GALNT13: variants seen among roughly 807,000 people sequenced by gnomAD.
GALNT13 encodes the protein polypeptide N-acetylgalactosaminyltransferase 13, also known as UDP-GalNAc:polypeptide N-acetylgalactosaminyltransferase 13.
GALNT13 carries 28 observed loss-of-function variants against 64.2 expected under a neutral mutation model. The observed-to-expected ratio is 0.44, with a 90% CI of 0.32 to 0.60. The LOEUF (loss-of-function observed/expected upper bound fraction) is 0.60. Among genes scored for constraint, GALNT13 ranks in the 20% least tolerant of loss-of-function variants. The pLI, the probability that GALNT13 is intolerant of heterozygous loss-of-function variation, is 0.05. For missense variants in GALNT13, 577 were observed against 669.8 expected (o/e 0.86, Z 1.53); for synonymous variants, 214 against 224.6 (o/e 0.95, Z 0.42).
the GALNT13 span, among the ~76,000 whole-genome samples, chr2:153,099,364 G>T: frequency 7.9e-5 from 12 of 152,048 alleles, no homozygotes; most frequent in Non-Finnish European, 1.8e-4. Flanking sequence ...AAAATCTAAA[G>T]AAATTTTTGG....
At chr2:153,082,604 TATATATATATATATACACACACACAC>T in the GALNT13 span, among the ~76,000 whole-genome samples, 4 of 44,000 alleles carry the variant, frequency 9.1e-5, no homozygotes, top group African/African-American at 3.0e-4. Flanking sequence ...TATATATATA[TATATATATATATATACACACACACAC>T]ACACACACAC....
At chr2:153,249,187 G>C in the GALNT13 span, among the ~76,000 whole-genome samples, 227 of 152,278 alleles carry the variant, frequency 1.5e-3, no homozygotes, top group African/African-American at 5.3e-3. Flanking sequence ...CAAAGTTTCA[G>C]GATGCAAAAT....
intron 3 of GALNT13, among the ~76,000 whole-genome samples, chr2:154,064,724 G>T (rs1676268616): frequency 6.6e-6 from 1 of 152,116 alleles, no homozygotes; most frequent in Non-Finnish European, 1.5e-5. Flanking sequence ...AAAATCACCA[G>T]TGGTAGCCAC....
At chr2:153,381,535 T>C in the GALNT13 span, among the ~76,000 whole-genome samples, 1 of 152,104 alleles carries the variant, frequency 6.6e-6, no homozygotes, top group Non-Finnish European at 1.5e-5. Context: ...GGTACCTATA[T>C]ATGTAATATA....
intron 3 of GALNT13, among the ~76,000 whole-genome samples, chr2:153,983,555 G>A (rs967885793): frequency 6.6e-5 from 10 of 151,804 alleles, no homozygotes; most frequent in African/African-American, 1.7e-4. Context: ...ACACTGAAAC[G>A]TTAAATGGAT....
At chr2:154,266,858 T>G (rs1469882762) in intron 8 of GALNT13, among the ~76,000 whole-genome samples, 2 of 151,930 alleles carry the variant, frequency 1.3e-5, no homozygotes, top group Non-Finnish European at 2.9e-5. Flanking sequence ...ATTGACAAGT[T>G]GATTCTATCC....
At chr2:153,388,379 C>T in the GALNT13 span, among the ~76,000 whole-genome samples, 16 of 152,022 alleles carry the variant, frequency 1.1e-4, no homozygotes, top group East Asian at 2.9e-3. Flanking sequence ...GTTAGACATT[C>T]CTCAGGCAGT....
chr2:153,400,647 G>C, the GALNT13 span, among the ~76,000 whole-genome samples: 3 of 152,186 alleles, frequency 2.0e-5, no homozygotes, highest in Admixed American at 2.0e-4. Context: ...TCCTGGTTTA[G>C]TCTTGGGAGA....
At chr2:153,470,662 AT>A in the GALNT13 span, among the ~76,000 whole-genome samples, 3 of 152,166 alleles carry the variant, frequency 2.0e-5, no homozygotes, top group South Asian at 6.2e-4. Flanking sequence ...GAATCAATAA[AT>A]TGTTTTTAAT....
At chr2:153,980,795 G>T (rs995920821) in intron 3 of GALNT13, among the ~76,000 whole-genome samples, 1 of 152,020 alleles carries the variant, frequency 6.6e-6, no homozygotes, top group East Asian at 1.9e-4. Context: ...ATGAAATAGA[G>T]GTAGGCTTCC....
the GALNT13 span, among the ~76,000 whole-genome samples, chr2:153,120,350 T>G: frequency 6.6e-6 from 1 of 152,222 alleles, no homozygotes; most frequent in Non-Finnish European, 1.5e-5. Flanking sequence ...GAATTGACTA[T>G]TATCTACCAA....
the GALNT13 span, among the ~76,000 whole-genome samples, chr2:153,552,286 T>C: frequency 1.3e-5 from 2 of 152,010 alleles, no homozygotes; most frequent in Non-Finnish European, 2.9e-5. Flanking sequence ...AAGGGTAAAA[T>C]AGAAACAGAG....
intron 3 of GALNT13, among the ~76,000 whole-genome samples, chr2:154,132,545 T>C (rs1173078659): frequency 1.3e-5 from 2 of 152,082 alleles, no homozygotes; most frequent in African/African-American, 2.4e-5. Context: ...TGTACACTTA[T>C]AATGGGATCC....
At chr2:154,348,781 C>T (rs925560891) in intron 9 of GALNT13, among the ~76,000 whole-genome samples, 1 of 151,942 alleles carries the variant, frequency 6.6e-6, no homozygotes, top group Non-Finnish European at 1.5e-5. Flanking sequence ...CCTGGAAATA[C>T]ACTTGAATAT....
the GALNT13 span, among the ~76,000 whole-genome samples, chr2:153,649,798 G>T: frequency 6.6e-6 from 1 of 152,136 alleles, no homozygotes; most frequent in South Asian, 2.1e-4. Context: ...TTAATTCTGA[G>T]TTCTAGTTTG....
chr2:153,589,619 C>T, the GALNT13 span, among the ~76,000 whole-genome samples: 2 of 152,156 alleles, frequency 1.3e-5, no homozygotes, highest in African/African-American at 4.8e-5. Context: ...ACTTACAATT[C>T]CACATGGCTG....
chr2:153,724,880 T>C, the GALNT13 span, among the ~76,000 whole-genome samples: 3 of 150,962 alleles, frequency 2.0e-5, no homozygotes, highest in Non-Finnish European at 2.9e-5. Flanking sequence ...AGTTCAACCA[T>C]TGTGGAAGTC....
In GALNT13 at chr2:153,884,785, A is replaced by ATATATATATATATATATATG. The variant is rs1450308010; in HGVS notation, c.-177+12483_-177+12484insATATATATATATATATATGT. ...AATACGAATATATATATATATATAT[A>ATATATATATATATATATATG]TGTGTGTGTATATATATATATGTGT... On this transcript the variant is annotated intron_variant, in intron 1 of 12. Transcript: ENST00000392825. 5.9e-4 allele frequency among the ~76,000 whole-genome samples: 72 copies of ATATATATATATATATATATG among 122,492 alleles called. 1 individual carries two copies. The highest frequency in any genetic ancestry group is 2.0e-3 in the African/African-American group (57 of 28,600). The allele number at this position is 122,492 out of a possible 152,430, so 80.4% of individuals were successfully genotyped here. A position where few individuals can be genotyped will look rare whatever the true frequency, so the allele number is the denominator to read the frequency against.
chr2:153,538,326 C>CTTTTTTTTTTTTTTTTTTTTTTTATTTT, the GALNT13 span, among the ~76,000 whole-genome samples: 2 of 100,846 alleles, frequency 2.0e-5, no homozygotes, highest in Non-Finnish European at 2.2e-5. Flanking sequence ...TTTTTTAATT[C>CTTTTTTTTTTTTTTTTTTTTTTTATTTT]TTTTTTTTTT....
Sources: allele counts gnomAD v4.1 joint callset (sites outside exome capture counted in the v4.1 genomes callset), GRCh38; gene constraint gnomAD v4.1.1; transcripts MANE v1.5; gene names NCBI Gene and HGNC (gene_info 2026-07-23, HGNC 2026-07-21).